SLC6A11: variants seen among roughly 807,000 people sequenced by gnomAD.
SLC6A11 encodes sodium- and chloride-dependent GABA transporter 3.
SLC6A11 carries 25 observed loss-of-function variants against 74.8 expected under a neutral mutation model. The ratio of observed to expected loss-of-function variants is 0.33; its 90% CI spans 0.24 to 0.47. The LOEUF (loss-of-function observed/expected upper bound fraction) is 0.47. Ranked by LOEUF, SLC6A11 falls within the 20% of genes least tolerant of loss-of-function variation. The pLI, the probability that SLC6A11 is intolerant of heterozygous loss-of-function variation, is 1.00. For missense variants in SLC6A11, 574 were observed against 837.0 expected (o/e 0.69, Z 3.88); for synonymous variants, 330 against 330.2 (o/e 1.00, Z 0.01).
chr3:10,874,015 A>ACGCTACGCTACGCTACGCTACGCTACGC (rs1694878597), intron 5 of SLC6A11, among the ~76,000 whole-genome samples: 2 of 152,082 alleles, frequency 1.3e-5, no homozygotes, highest in Non-Finnish European at 1.5e-5. Flanking sequence ...ATGCTATGCT[A>ACGCTACGCTACGCTACGCTACGCTACGC]TACCATCCTA....
intron 4 of SLC6A11, among the ~76,000 whole-genome samples, chr3:10,832,155 G>A (rs1018515336): frequency 3.9e-5 from 6 of 152,212 alleles, no homozygotes; most frequent in African/African-American, 9.6e-5. Flanking sequence ...TTTTGGAAAC[G>A]CTGAGGGATT....
intron 6 of SLC6A11, among the ~76,000 whole-genome samples, chr3:10,907,091 C>T (rs2581210): frequency 0.71 from 107,419 of 152,008 alleles, 39,369 homozygotes; most frequent in African/African-American, 0.89. Context: ...CAAAACAGTG[C>T]AGCACTGAAA....
intron 4 of SLC6A11, among the ~76,000 whole-genome samples, chr3:10,837,351 T>C (rs1694380067): frequency 6.6e-6 from 1 of 152,106 alleles, no homozygotes; most frequent in Non-Finnish European, 1.5e-5. Flanking sequence ...TAGGCCTATG[T>C]CGGTCCCTGA....
intron 7 of SLC6A11, among the ~76,000 whole-genome samples, chr3:10,917,163 A>G (rs1246792178): frequency 6.6e-6 from 1 of 152,200 alleles, no homozygotes. Flanking sequence ...TCAAGGGGCT[A>G]TAGGGCCATT....
intron 6 of SLC6A11, among the ~76,000 whole-genome samples, chr3:10,900,443 G>A (rs537227929): frequency 6.6e-6 from 1 of 152,284 alleles, no homozygotes; most frequent in Admixed American, 6.5e-5. Flanking sequence ...TTCCAGTTGG[G>A]GGAGACAGAC....
At chr3:10,840,356 C>T (rs1694421904) in intron 4 of SLC6A11, among the ~76,000 whole-genome samples, 1 of 152,166 alleles carries the variant, frequency 6.6e-6, no homozygotes, top group Non-Finnish European at 1.5e-5. Flanking sequence ...CTTCAGGACC[C>T]CCAACCCCAC....
At position 10,851,393 on chromosome 3, in the gene SLC6A11, C is replaced by T. The variant is rs1170979707; in HGVS notation, c.756+7047C>T. Among the ~76,000 whole-genome samples, 6 of 139,584 alleles carry T rather than the reference C, an allele frequency of 4.3e-5. No homozygotes were observed. The South Asian group carries it at 8.4e-4, about 20-fold the overall frequency. 91.6% of individuals were successfully genotyped at this position (139,584 alleles called of 152,430 possible). On this transcript the variant is annotated intron_variant, in intron 5 of 13. Coordinates refer to ENST00000254488, the MANE Select transcript of SLC6A11 (RefSeq NM_014229.3). ...TATTCTTTTCAAAGCTCTAGGACAC[C>T]GAGGCAAGGAAAAAAAAAAAAACCA...
chr3:10,938,423 G>T lies in SLC6A11; in HGVS notation c.*21G>T. ...TCTGAGCGGCCACCAGCCATCTGGG[G>T]CTCTTCTTCCTTTCTTCCCCCCGTG... On this transcript the variant is annotated 3_prime_UTR_variant, in exon 14 of 14. Transcript: ENST00000254488. The T allele has an allele frequency of 6.4e-7, 1 of 1,569,532 alleles. No individual in the cohort carries two copies. The highest frequency in any genetic ancestry group is 8.7e-7 in the Non-Finnish European group (1 of 1,150,202).
At position 10,918,200 on chromosome 3, in the gene SLC6A11, CAG is replaced by C. The variant is rs1695484451; in HGVS notation, c.996-126_996-125del. ...AACCATGAGTGCTCCATCAGAAAAA[CAG>C]AGCTCCCTGTGCCTGCACTTCCCTG... On this transcript the variant is annotated intron_variant, in intron 7 of 13. Coordinates refer to ENST00000254488, the MANE Select transcript of SLC6A11 (RefSeq NM_014229.3). This position sits in a 1 kb window ranked among gnomAD's most constrained non-coding sequence, Gnocchi z 4.5. 5.7e-6 allele frequency: 6 copies of C among 1,044,132 alleles called. No individual in the cohort carries two copies. Among genetic ancestry groups the C allele is most frequent in the Non-Finnish European group, 7.9e-6 (6 of 761,764 alleles). The allele number at this position is 1,044,132 out of a possible 1,614,324, so 64.7% of individuals were successfully genotyped here. A position where few individuals can be genotyped will look rare whatever the true frequency, so the allele number is the denominator to read the frequency against.
At chr3:10,893,330 C>T (rs543039080) in intron 6 of SLC6A11, among the ~76,000 whole-genome samples, 2 of 152,260 alleles carry the variant, frequency 1.3e-5, no homozygotes, top group East Asian at 3.9e-4. Flanking sequence ...TCTCTTGACT[C>T]GTGGAAGACT....
At chr3:10,848,134 A>C (rs563810934) in intron 5 of SLC6A11, among the ~76,000 whole-genome samples, 1 of 152,372 alleles carries the variant, frequency 6.6e-6, no homozygotes, top group East Asian at 1.9e-4. Flanking sequence ...AGGAATATTA[A>C]AACAATATCC....
chr3:10,845,469 CA>C (rs962612068), intron 5 of SLC6A11, among the ~76,000 whole-genome samples: 1 of 152,206 alleles, frequency 6.6e-6, no homozygotes, highest in Admixed American at 6.5e-5. Flanking sequence ...TTCCCATAGG[CA>C]GTTGCTCATA....
chr3:10,916,792 G>A (rs1481805361), intron 7 of SLC6A11, among the ~76,000 whole-genome samples: 1 of 152,172 alleles, frequency 6.6e-6, no homozygotes, highest in Non-Finnish European at 1.5e-5. Flanking sequence ...AAGAAATTCT[G>A]TTATCCAAGC....
chr3:10,875,953 T>A (rs961732809), intron 6 of SLC6A11, among the ~76,000 whole-genome samples: 1 of 152,198 alleles, frequency 6.6e-6, no homozygotes, highest in Admixed American at 6.5e-5. Context: ...GGACTCTAGG[T>A]CATTCTAGTG....
chr3:10,937,143 A>G (rs190509277), intron 13 of SLC6A11, among the ~76,000 whole-genome samples: 27 of 152,300 alleles, frequency 1.8e-4, no homozygotes, highest in Admixed American at 9.8e-4. Context: ...AGAAGGTAAC[A>G]TGGTGGCCGC....
intron 5 of SLC6A11, among the ~76,000 whole-genome samples, chr3:10,848,346 C>G: frequency 6.6e-6 from 1 of 152,226 alleles, no homozygotes; most frequent in East Asian, 1.9e-4. Context: ...CCAGGAAGCG[C>G]TGGCATTAGC....
chr3:10,842,521 G>T (rs893394846), intron 4 of SLC6A11, among the ~76,000 whole-genome samples: 6 of 152,180 alleles, frequency 3.9e-5, no homozygotes, highest in Non-Finnish European at 8.8e-5. Flanking sequence ...GTTTTAAAAT[G>T]AATTAAAGCC....
At chr3:10,857,904 A>G (rs1015809491) in intron 5 of SLC6A11, among the ~76,000 whole-genome samples, 3 of 152,256 alleles carry the variant, frequency 2.0e-5, no homozygotes, top group African/African-American at 7.2e-5. Context: ...GTATTTCAAT[A>G]TGTAAATGCT....
intron 5 of SLC6A11, among the ~76,000 whole-genome samples, chr3:10,847,813 A>T (rs1049929693): frequency 6.6e-6 from 1 of 152,214 alleles, no homozygotes; most frequent in Admixed American, 6.5e-5. Context: ...CAGCATCCAA[A>T]GGTTTTTTGG....
Sources: gnomAD v4.1 joint callset for allele counts (sites outside exome capture counted in the v4.1 genomes callset) on GRCh38, gnomAD v4.1.1 for gene constraint, Gnocchi (gnomAD v3.1) non-coding constraint, MANE v1.5 for transcripts, NCBI Gene and HGNC (gene_info 2026-07-23, HGNC 2026-07-21) for gene names.